Variants in SH3BP4 observed in about 807,000 individuals in gnomAD.
The protein encoded by SH3BP4 is SH3 domain-binding protein 4.
Under a neutral mutation model 65.5 loss-of-function variants are expected in SH3BP4, and 33 were observed. The observed-to-expected ratio is 0.50, with a 90% CI of 0.38 to 0.67. The LOEUF (loss-of-function observed/expected upper bound fraction) is 0.67. Among genes scored for constraint, SH3BP4 ranks in the 30% least tolerant of loss-of-function variants. The pLI is 0.00. For synonymous variants in SH3BP4, 552 were observed against 545.5 expected (o/e 1.01, Z -0.17); for missense variants, 1,134 against 1,261.4 (o/e 0.90, Z 1.53).
At chr2:234,956,807 C>G (rs1279306119) in intron 1 of SH3BP4, among the ~76,000 whole-genome samples, 1 of 151,830 alleles carries the variant, frequency 6.6e-6, no homozygotes, top group Non-Finnish European at 1.5e-5. Context: ...GATCCTCCAG[C>G]CTTGGTCTCC....
chr2:234,990,017 A>T (rs542376569), intron 1 of SH3BP4, among the ~76,000 whole-genome samples: 1 of 152,366 alleles, frequency 6.6e-6, no homozygotes. Context: ...CTCCAGAACA[A>T]AATTATGTAA....
intron 1 of SH3BP4, among the ~76,000 whole-genome samples, chr2:234,966,563 A>C (rs1244494565): frequency 6.6e-6 from 1 of 152,198 alleles, no homozygotes; most frequent in East Asian, 1.9e-4. Context: ...TGAACATAGC[A>C]AGTATCTGAA....
At chr2:234,987,299 G>T (rs1360227273) in intron 1 of SH3BP4, among the ~76,000 whole-genome samples, 2 of 151,576 alleles carry the variant, frequency 1.3e-5, no homozygotes, top group Non-Finnish European at 2.9e-5. Flanking sequence ...CTATGTATTT[G>T]GCACTCAGTG....
rs753681848 is a variant in SH3BP4, at chr2:234,967,775, A to G, written c.-207+15605A>G. Among the ~76,000 whole-genome samples the G allele has an allele frequency of 6.6e-6, 1 of 152,148 alleles. No homozygotes were observed. The highest frequency in any genetic ancestry group is 1.5e-5 in the Non-Finnish European group (1 of 68,016). On this transcript the variant is annotated intron_variant, in intron 1 of 5. Transcript: ENST00000392011. The surrounding 1 kb of genome is among the most constrained non-coding windows in gnomAD (Gnocchi z 4.6). ...TGGGAGGTGTGGCACAGGGGCAGCC[A>G]CAGTGGACCCTTGGTGGAGAGGATC...
At chr2:235,038,242 A>ATATAT (rs1695453975) in intron 3 of SH3BP4, among the ~76,000 whole-genome samples, 1 of 50,270 alleles carries the variant, frequency 2.0e-5, no homozygotes, top group African/African-American at 8.8e-5. Flanking sequence ...TGTATTTTAT[A>ATATAT]TATATATTAT....
At chr2:234,968,214 T>C (rs901518112) in intron 1 of SH3BP4, among the ~76,000 whole-genome samples, 1 of 152,124 alleles carries the variant, frequency 6.6e-6, no homozygotes, top group African/African-American at 2.4e-5. Flanking sequence ...TATTTGTTAG[T>C]AGCAACATCA....
chr2:235,043,888 A>G (rs182620351), intron 4 of SH3BP4, among the ~76,000 whole-genome samples: 156 of 152,406 alleles, frequency 1.0e-3, no homozygotes, highest in African/African-American at 3.7e-3. Context: ...GGGGCCCCAG[A>G]CAACCCAAGG....
intron 2 of SH3BP4, among the ~76,000 whole-genome samples, chr2:235,027,125 C>T (rs932554233): frequency 9.2e-5 from 14 of 152,238 alleles, no homozygotes; most frequent in African/African-American, 2.9e-4. Context: ...TGAGTCGTAG[C>T]CTTGCATTCC....
Position 235,046,707 on chromosome 2 carries a change from G to A in SH3BP4, c.2478+3460G>A, listed in dbSNP as rs1345790796. Among the ~76,000 whole-genome samples the A allele has an allele frequency of 6.8e-6, 1 of 147,310 alleles. No homozygotes were observed. The highest frequency in any genetic ancestry group is 2.6e-5 in the African/African-American group (1 of 39,194). On this transcript the variant is annotated intron_variant, in intron 4 of 5. Transcript: ENST00000392011. The surrounding 1 kb of genome is among the most constrained non-coding windows in gnomAD (Gnocchi z 4.2). ...CATAAGAATCACTGAGGTACTAGAT[G>A]GATAAGTGATTGAATGAATGAATGA... is the stretch of plus-strand genomic sequence containing the variant.
rs566649087 is a variant in SH3BP4, at chr2:235,030,291, G to C, written c.-132-4580G>C. ...GCAACTCTGGGCGTGGGAAGAAATA[G>C]TTAGCAAGACTGGGAGCAGAGAGTG... On this transcript the variant is annotated intron_variant, in intron 2 of 5. Coordinates refer to ENST00000392011, the MANE Select transcript of SH3BP4 (RefSeq NM_014521.3). The surrounding 1 kb of genome is among the most constrained non-coding windows in gnomAD (Gnocchi z 4.1). Among the ~76,000 whole-genome samples, 3 of 152,184 alleles carry C rather than the reference G, an allele frequency of 2.0e-5. No individual in the cohort carries two copies.
chr2:235,005,234 G>T (rs977664643), intron 2 of SH3BP4, among the ~76,000 whole-genome samples: 3 of 152,192 alleles, frequency 2.0e-5, no homozygotes, highest in Non-Finnish European at 2.9e-5. Flanking sequence ...CTGTCTGTCT[G>T]TCTGTCCCTC....
At chr2:235,012,497 GT>G (rs1358723149) in intron 2 of SH3BP4, among the ~76,000 whole-genome samples, 4 of 152,226 alleles carry the variant, frequency 2.6e-5, no homozygotes, top group Non-Finnish European at 5.9e-5. Context: ...AGCACACCCT[GT>G]GTCTGAGTGG....
In SH3BP4 at chr2:235,043,041, G is replaced by A. The variant is rs775301265; in HGVS notation, c.2272G>A (p.Val758Met). 3.7e-6 allele frequency: 6 copies of A among 1,611,608 alleles called. No homozygotes were observed. Among genetic ancestry groups the A allele is most frequent in the Non-Finnish European group, 5.1e-6 (6 of 1,178,322 alleles). ...CKFLTYIYAS[V>M]RTLLMENISS... ...ATTCCTCACGTACATCTATGCCTCC[G>A]TGAGGACCCTGCTCATGGAGAACAT... The change falls in exon 4 of 6, where the codon GTG becomes ATG. Residue 758 changes from valine to methionine, a missense_variant. Val to Met is a conservative substitution (Grantham distance 21). Transcript: ENST00000392011.
chr2:235,011,685 G>A (rs1694511282), intron 2 of SH3BP4, among the ~76,000 whole-genome samples: 1 of 152,210 alleles, frequency 6.6e-6, no homozygotes, highest in South Asian at 2.1e-4. Context: ...TGTGTATTTA[G>A]TGAATGTCCT....
intron 2 of SH3BP4, among the ~76,000 whole-genome samples, chr2:235,016,870 C>T (rs1000550010): frequency 6.6e-6 from 1 of 152,064 alleles, no homozygotes; most frequent in African/African-American, 2.4e-5. Flanking sequence ...CCATCCCTTC[C>T]GAGCTAATGC....
In SH3BP4 at chr2:235,052,747, C is replaced by A; in HGVS notation, c.2664C>A (p.Ser888Arg). Residue 888 changes from serine (S) to arginine (R), a missense_variant, in exon 5 of 6, where the codon AGC (serine) becomes AGA (arginine). Ser to Arg is a moderately radical substitution (Grantham distance 110). Transcript: ENST00000392011. The surrounding 1 kb of genome is among the most constrained non-coding windows in gnomAD (Gnocchi z 5.0). ...PHRDRNGVVD[S>R]EAMWKPAYDF... Reference sequence around the variant, plus strand: ...GGGACAGGAACGGGGTTGTGGACAGCGAGGTGAGCAGCGGCTGAGCTTCGA... The same window carrying A: ...GGGACAGGAACGGGGTTGTGGACAGAGAGGTGAGCAGCGGCTGAGCTTCGA... 1 of 1,588,008 alleles carries A rather than the reference C, an allele frequency of 6.3e-7. No homozygotes were observed. Among genetic ancestry groups the A allele is most frequent in the Non-Finnish European group, 8.6e-7 (1 of 1,169,480 alleles).
intron 2 of SH3BP4, among the ~76,000 whole-genome samples, chr2:235,021,338 G>A (rs895658404): frequency 2.0e-5 from 3 of 152,158 alleles, no homozygotes; most frequent in Non-Finnish European, 4.4e-5. Flanking sequence ...AGAGGGCCGG[G>A]TGTAGTGGCT....
At chr2:234,996,689 T>G (rs1693928713) in intron 2 of SH3BP4, among the ~76,000 whole-genome samples, 1 of 152,192 alleles carries the variant, frequency 6.6e-6, no homozygotes, top group Non-Finnish European at 1.5e-5. Flanking sequence ...CTGGCATTGG[T>G]CAGAAAGCGG....
At chr2:235,012,954 G>T (rs1009190874) in intron 2 of SH3BP4, among the ~76,000 whole-genome samples, 1 of 152,238 alleles carries the variant, frequency 6.6e-6, no homozygotes, top group African/African-American at 2.4e-5. Context: ...AGGCTGTGGG[G>T]CTGGAGGCCG....
Sources: gnomAD v4.1 joint callset for allele counts (sites outside exome capture counted in the v4.1 genomes callset) on GRCh38, gnomAD v4.1.1 for gene constraint, Gnocchi (gnomAD v3.1) non-coding constraint, MANE v1.5 for transcripts, NCBI Gene and HGNC (gene_info 2026-07-23, HGNC 2026-07-21) for gene names.